The following CUBN variants were observed in gnomAD, a reference collection of about 807,000 sequenced individuals.
The protein encoded by CUBN is cubilin, also known as 460 kDa receptor.
Under a neutral mutation model 405.3 loss-of-function variants are expected in CUBN, and 282 were observed. The ratio of observed to expected loss-of-function variants is 0.70; its 90% CI spans 0.63 to 0.77. The LOEUF (loss-of-function observed/expected upper bound fraction) is 0.77. CUBN is among the 30% of genes least tolerant of loss of function. The pLI, the probability that CUBN is intolerant of heterozygous loss-of-function variation, is 0.00. For synonymous variants in CUBN, 1,684 were observed against 1,617.0 expected (o/e 1.04, Z -0.99); for missense variants, 4,514 against 4,475.2 (o/e 1.01, Z -0.25).
chr10:17,101,658 G>C (rs763422720), intron 13 of CUBN, among the ~76,000 whole-genome samples: 1 of 152,096 alleles, frequency 6.6e-6, no homozygotes, highest in African/African-American at 2.4e-5. Flanking sequence ...GAAATGCCTG[G>C]GTAATTAATG....
At chr10:16,885,924 G>A (rs1209572009) in intron 56 of CUBN, among the ~76,000 whole-genome samples, 5 of 152,146 alleles carry the variant, frequency 3.3e-5, no homozygotes, top group African/African-American at 1.2e-4. Context: ...TAAGCATCTC[G>A]AATAAATCTA....
intron 14 of CUBN, among the ~76,000 whole-genome samples, chr10:17,097,012 A>G (rs537080303): frequency 4.6e-5 from 7 of 152,262 alleles, no homozygotes; most frequent in Admixed American, 1.3e-4. Context: ...TCATTTGTCA[A>G]TGCTTCCAAG....
At chr10:17,090,238 A>G (rs1836223951) in intron 14 of CUBN, among the ~76,000 whole-genome samples, 2 of 152,166 alleles carry the variant, frequency 1.3e-5, no homozygotes, top group African/African-American at 4.8e-5. Context: ...ATATGATGTG[A>G]AAAAAAGCCA....
intron 39 of CUBN, among the ~76,000 whole-genome samples, chr10:16,934,752 T>C (rs1436202746): frequency 6.6e-6 from 1 of 152,202 alleles, no homozygotes; most frequent in Non-Finnish European, 1.5e-5. Flanking sequence ...TGAGCACTTT[T>C]AAACCGAGAC....
intron 6 of CUBN, among the ~76,000 whole-genome samples, chr10:17,117,301 A>C (rs954866867): frequency 8.5e-5 from 13 of 152,196 alleles, no homozygotes; most frequent in African/African-American, 3.1e-4. Flanking sequence ...TTGATCCAGG[A>C]GACTTCATTA....
chr10:16,849,270 T>C (rs1159081911), intron 60 of CUBN, among the ~76,000 whole-genome samples: 4 of 152,168 alleles, frequency 2.6e-5, no homozygotes, highest in African/African-American at 7.2e-5. Context: ...TTCACATTTA[T>C]CTTTTCATGA....
rs1031919782 is a variant in CUBN at position 16,952,384 on chromosome 10, C to T, written c.4861G>A (p.Gly1621Arg). The T allele has an allele frequency of 7.5e-6, 12 of 1,604,934 alleles. No homozygotes were observed. Among genetic ancestry groups the T allele is most frequent in the Non-Finnish European group, 1.0e-5 (12 of 1,171,766 alleles). ...GFRAQFRQAC[G>R]GHILTSSFDT... The stretch of plus-strand genomic sequence containing the variant: ...AATGAGCTGGTGAGGATGTGGCCTC[C>T]GCAGGCTGGGGAACACACAAACACA... Residue 1621 changes from glycine (G) to arginine (R), a missense_variant, in exon 33 of 67, where the codon GGA becomes AGA. This residue lies in a region of CUBN where 1,613 missense variants were observed against 1,542.8 expected (regional missense o/e 1.05). Coordinates refer to ENST00000377833, the MANE Select transcript of CUBN (RefSeq NM_001081.4).
At chr10:17,051,810 C>A (rs1207867974) in intron 22 of CUBN, among the ~76,000 whole-genome samples, 1 of 151,000 alleles carries the variant, frequency 6.6e-6, no homozygotes, top group Non-Finnish European at 1.5e-5. Context: ...AAAGAAAAAA[C>A]AACAAATAGG....
intron 64 of CUBN, 65 bp downstream of exon 64, chr10:16,834,949 T>TA: frequency 1.4e-6 from 2 of 1,477,454 alleles, no homozygotes; most frequent in Admixed American, 3.4e-5. Flanking sequence ...ATAAAAGGTG[T>TA]AAAATCTTAA....
chr10:16,958,750 G>C (rs1481983840), intron 31 of CUBN, among the ~76,000 whole-genome samples: 3 of 152,172 alleles, frequency 2.0e-5, no homozygotes, highest in Non-Finnish European at 4.4e-5. Flanking sequence ...GTGAGTAGCA[G>C]CGTCTTCTCT....
At chr10:16,861,703 T>C (rs1381370929) in intron 59 of CUBN, among the ~76,000 whole-genome samples, 1 of 152,150 alleles carries the variant, frequency 6.6e-6, no homozygotes, top group Non-Finnish European at 1.5e-5. Context: ...TGCTCCACGT[T>C]TACCCTCTTA....
chr10:17,029,116 G>C (rs745802012), intron 27 of CUBN, among the ~76,000 whole-genome samples: 2 of 152,194 alleles, frequency 1.3e-5, no homozygotes, highest in Admixed American at 6.5e-5. Context: ...ATTATTTTAG[G>C]TTTGATTATT....
At chr10:16,890,284 T>G in intron 55 of CUBN, 87 bp downstream of exon 55, 1 of 1,319,416 alleles carries the variant, frequency 7.6e-7, no homozygotes, top group Non-Finnish European at 1.1e-6. Flanking sequence ...ACTCCTCCCC[T>G]AGACCCCCAG....
chr10:16,901,616 G>A (rs1841374505), intron 51 of CUBN, among the ~76,000 whole-genome samples, 157 bp from the exon 52 acceptor site: 1 of 152,060 alleles, frequency 6.6e-6, no homozygotes, highest in Non-Finnish European at 1.5e-5. Flanking sequence ...CACTTTGGGA[G>A]GCCGAAGTGG....
chr10:16,965,252 C>T (rs1179539317), intron 31 of CUBN, among the ~76,000 whole-genome samples: 1 of 152,198 alleles, frequency 6.6e-6, no homozygotes, highest in Non-Finnish European at 1.5e-5. Context: ...TCCTTCCATT[C>T]AGTCTCAAAA....
chr10:16,982,583 G>A lies in CUBN; in HGVS notation c.4596C>T (p.Ser1532=). 6.2e-7 allele frequency: 1 copy of A among 1,613,530 alleles called. No homozygotes were observed. Among genetic ancestry groups the A allele is most frequent in the East Asian group, 2.2e-5 (1 of 44,854 alleles). ...GAATGACCCAAGAACAGTCTGTGTTGCTCCTATAAGGACTGGGGTAATTTG... is the reference window on the plus strand; with the variant it reads ...GAATGACCCAAGAACAGTCTGTGTTACTCCTATAAGGACTGGGGTAATTTG... ...HSPNYPSPYR[S]NTDCSWVIRV... is the part of the protein sequence containing the mutation. Residue 1532 remains serine, a synonymous_variant, in exon 31 of 67, where the codon AGC becomes AGT. Coordinates refer to ENST00000377833, the MANE Select transcript of CUBN (RefSeq NM_001081.4).
intron 66 of CUBN, among the ~76,000 whole-genome samples, chr10:16,825,673 G>C (rs1237561099): frequency 1.4e-5 from 2 of 145,810 alleles, no homozygotes; most frequent in African/African-American, 5.2e-5. Context: ...GTGTGTGTGT[G>C]TTGGGGGGAT....
intron 57 of CUBN, among the ~76,000 whole-genome samples, chr10:16,875,229 C>T (rs143376446): frequency 2.8e-4 from 42 of 152,074 alleles, no homozygotes; most frequent in Admixed American, 1.0e-3. Context: ...GTCAATAAAA[C>T]GACAGACATA....
chr10:17,085,828 A>G, intron 15 of CUBN, 69 bp from the exon 16 acceptor site: 2 of 1,341,674 alleles, frequency 1.5e-6, no homozygotes. Context: ...CACTTTGGAT[A>G]TTAACTTCAT....
Sources: gnomAD v4.1 joint callset for allele counts (sites outside exome capture counted in the v4.1 genomes callset) on GRCh38, gnomAD v4.1.1 for gene constraint, gnomAD v4.1.1 regional missense constraint, MANE v1.5 for transcripts, NCBI Gene and HGNC (gene_info 2026-07-23, HGNC 2026-07-21) for gene names.